Variants in NBPF9 observed in about 807,000 individuals in gnomAD.
The protein encoded by NBPF9 is NBPF family member NBPF9.
A neutral mutation model predicts 97.8 loss-of-function variants in NBPF9; 91 were observed. The observed-to-expected ratio is 0.93, with a 90% CI of 0.79 to 1.11. The LOEUF is 1.11. Among genes scored for constraint, NBPF9 ranks in the 50% least tolerant of loss-of-function variants. The probability of loss-of-function intolerance (pLI) is 0.00; values close to 1 mark genes in which losing one functional copy is unlikely to be tolerated. For synonymous variants in NBPF9, 334 were observed against 359.5 expected, an observed-to-expected ratio of 0.93 and a Z score of 0.80; for missense variants, 992 against 939.5, an observed-to-expected ratio of 1.06 and a Z score of -0.73.
intron 14 of NBPF9, among the ~76,000 whole-genome samples, 199 bp from the exon 15 acceptor site, chr1:149,071,875 CCAT>C (rs2079440134): frequency 1.3e-5 from 2 of 151,726 alleles, no homozygotes; most frequent in Non-Finnish European, 2.9e-5. Flanking sequence ...TGGAGGGCCA[CCAT>C]CAACATGTGG....
At chr1:149,085,267 T>C (rs1347359439) in intron 5 of NBPF9, among the ~76,000 whole-genome samples, 16 of 152,124 alleles carry the variant, frequency 1.1e-4, no homozygotes, top group Non-Finnish European at 1.9e-4. Flanking sequence ...AAAAAATCAA[T>C]AACTGTACAT....
chr1:149,065,604 A>G (rs781989308), exon 18 of NBPF9: 3 of 1,607,042 alleles, frequency 1.9e-6, no homozygotes, highest in Admixed American at 1.7e-5. Context: ...TACGAGGCCA[A>G]CATTTCAGGA....
chr1:149,060,349 T>C lies in NBPF9; in HGVS notation c.2476+174A>G. Reference sequence around the variant, plus strand: ...GAAGAGAGTCTTGCCCACTGACCCATCCCTCATCTGGGCTTCCAGGTAGAA... The same window carrying C: ...GAAGAGAGTCTTGCCCACTGACCCACCCCTCATCTGGGCTTCCAGGTAGAA... On this transcript the variant is annotated intron_variant, in intron 24 of 29. Transcript: ENST00000584027. 3 of 475,462 alleles carry C rather than the reference T, an allele frequency of 6.3e-6. 1 individual carries two copies. Among genetic ancestry groups the C allele is most frequent in the Non-Finnish European group, 1.2e-5 (3 of 257,230 alleles). 29.5% of individuals were successfully genotyped at this position (475,462 alleles called of 1,614,324 possible). A position where few individuals can be genotyped will look rare whatever the true frequency, so the allele number is the denominator to read the frequency against.
At chr1:149,093,335 C>A (rs1394831418) in intron 4 of NBPF9, among the ~76,000 whole-genome samples, 1 of 151,928 alleles carries the variant, frequency 6.6e-6, no homozygotes, top group African/African-American at 2.4e-5. Context: ...ATTCCATTAC[C>A]CAGGGACGAG....
At chr1:149,056,345 A>G (rs2078243608) in intron 29 of NBPF9, among the ~76,000 whole-genome samples, 167 bp downstream of exon 29, 1 of 103,534 alleles carries the variant, frequency 9.7e-6, no homozygotes, top group Non-Finnish European at 1.9e-5. Context: ...TAAGGGGAGG[A>G]AGAAATGGAA....
exon 9 of NBPF9, chr1:149,079,125 C>A: frequency 3.1e-6 from 4 of 1,283,646 alleles, no homozygotes; most frequent in Non-Finnish European, 4.5e-6. Context: ...CCTGGAGATG[C>A]TCATTCAATG....
chr1:149,097,385 C>T (rs1324285551), intron 4 of NBPF9, among the ~76,000 whole-genome samples: 1 of 152,126 alleles, frequency 6.6e-6, no homozygotes, highest in Non-Finnish European at 1.5e-5. Context: ...TTCCTCTGGC[C>T]CACTGTTGCC....
At chr1:149,056,328 G>T (rs4068619) in intron 29 of NBPF9, among the ~76,000 whole-genome samples, 184 bp downstream of exon 29, 1,119 of 99,936 alleles carry the variant, frequency 0.011, no homozygotes, top group African/African-American at 0.04. Context: ...GGTACGTTAG[G>T]AAATGATAAG....
At chr1:149,085,083 C>T (rs2152914828) in intron 5 of NBPF9, among the ~76,000 whole-genome samples, 1 of 152,144 alleles carries the variant, frequency 6.6e-6, no homozygotes, top group Non-Finnish European at 1.5e-5. Context: ...CACATACACA[C>T]ACCATTTTAA....
chr1:149,082,366 C>T (rs1379635827), exon 6 of NBPF9: 3 of 1,496,888 alleles, frequency 2.0e-6, no homozygotes, highest in Non-Finnish European at 2.7e-6. Flanking sequence ...GAGCTGAAAG[C>T]ACTGCCAGTA....
At chr1:149,053,891 C>T (rs1553648067), downstream of NBPF9, 4 of 145,896 alleles carry the variant, frequency 2.7e-5, no homozygotes. Flanking sequence ...CACACACAGA[C>T]ACACACACAG....
chr1:149,075,098 C>A (rs1553653961), intron 12 of NBPF9, among the ~76,000 whole-genome samples: 1 of 151,346 alleles, frequency 6.6e-6, no homozygotes, highest in African/African-American at 2.4e-5. Context: ...GAGTGAGCCA[C>A]CATGCATGGC....
At chr1:149,065,109 C>A (rs587761335) in intron 18 of NBPF9, 1 of 592,552 alleles carries the variant, frequency 1.7e-6, no homozygotes, top group South Asian at 2.0e-5. Context: ...AAGGGTGACA[C>A]TGGCCTTGGG....
At chr1:149,095,613 C>A (rs1242521379) in intron 4 of NBPF9, among the ~76,000 whole-genome samples, 9 of 78,294 alleles carry the variant, frequency 1.1e-4, no homozygotes, top group South Asian at 9.8e-4. Flanking sequence ...GAGAACTAAA[C>A]AACACAAAGC....
intron 22 of NBPF9, 166 bp from the exon 23 acceptor site, chr1:149,061,549 G>T: frequency 5.2e-6 from 2 of 382,320 alleles, no homozygotes; most frequent in East Asian, 4.7e-5. Flanking sequence ...GATATTCTTT[G>T]GTTTGCATCT....
intron 5 of NBPF9, among the ~76,000 whole-genome samples, chr1:149,086,811 A>C (rs2081038615): frequency 6.6e-6 from 1 of 152,068 alleles, no homozygotes; most frequent in Admixed American, 6.5e-5. Context: ...GTGTCTCGTT[A>C]CTGAGCCACG....
Position 149,077,905 on chromosome 1 carries a change from C to G in NBPF9, c.544G>C (p.Val182Leu), listed in dbSNP as rs782180002. Residue 182 changes from valine (V) to leucine (L), a missense_variant, in exon 10 of 30, where the codon GTA becomes CTA. Val to Leu is a conservative substitution (Grantham distance 32). Transcript: ENST00000584027. ...TACCTGGGGGCAGATGATTCCAGTA[C>G]TTTCTCATCCTCCTCAACTTGAACA... 2.0e-6 allele frequency: 3 copies of G among 1,481,018 alleles called. No homozygotes were observed. In the East Asian group the frequency reaches 6.8e-5, roughly 34 times the overall value. The allele number at this position is 1,481,018 out of a possible 1,614,324, so 91.7% of individuals were successfully genotyped here. A position where few individuals can be genotyped will look rare whatever the true frequency, so the allele number is the denominator to read the frequency against.
In NBPF9 at chr1:149,060,838, C is replaced by T; in HGVS notation, c.2304-143G>A. 4.9e-6 allele frequency: 2 copies of T among 410,392 alleles called. 1 individual carries two copies. The allele number at this position is 410,392 out of a possible 1,614,324, so 25.4% of individuals were successfully genotyped here. A position where few individuals can be genotyped will look rare whatever the true frequency, so the allele number is the denominator to read the frequency against. ...TAATGAGGTAACAAATTATTGCCTT[C>T]ATGTTGGGACACAACGGGGCCAAAT... On this transcript the variant is annotated intron_variant, in intron 23 of 29. Coordinates refer to ENST00000584027, the Ensembl canonical transcript of NBPF9.
intron 3 of NBPF9, among the ~76,000 whole-genome samples, chr1:149,099,832 A>G (rs2082030457): frequency 6.6e-6 from 1 of 151,222 alleles, no homozygotes; most frequent in Admixed American, 6.6e-5. Flanking sequence ...AAAATAGAAA[A>G]TTAGCCGGGC....
Sources: allele counts gnomAD v4.1 joint callset (sites outside exome capture counted in the v4.1 genomes callset), GRCh38; gene constraint gnomAD v4.1.1; transcripts MANE v1.5; gene names NCBI Gene and HGNC (gene_info 2026-07-23, HGNC 2026-07-21).